The following MED12 variants were observed in gnomAD, a reference collection of about 807,000 sequenced individuals.
MED12 encodes mediator of RNA polymerase II transcription subunit 12.
Under a neutral mutation model 177.7 loss-of-function variants are expected in MED12, and 10 were observed. The observed-to-expected ratio is 0.06, with a 90% CI of 0.03 to 0.10. The LOEUF is 0.10. Ranked by LOEUF, MED12 falls within the 10% of genes least tolerant of loss-of-function variation. The pLI is 1.00. For synonymous variants in MED12, 641 were observed against 678.4 expected, an observed-to-expected ratio of 0.94 and a Z score of 0.86; for missense variants, 867 against 1,780.8, an observed-to-expected ratio of 0.49 and a Z score of 9.23.
rs752416697 is a variant in MED12 at position 71,140,779 on chromosome X, G to GCAACAGCAA, written c.6191_6192insACAGCAACA (p.Gln2074_Gln2076dup). 6 of 1,207,361 alleles carry GCAACAGCAA rather than the reference G, an allele frequency of 5.0e-6. No homozygotes were observed. The highest frequency in any genetic ancestry group is 6.7e-6 in the Non-Finnish European group (6 of 894,191). ...AGCAACAGCAGCAACAGCAACAGCA[G>GCAACAGCAA]CAGCAGCAGCAACAGCAACAGCAGC... is the stretch of plus-strand genomic sequence containing the variant. On this transcript the variant is annotated inframe_insertion, in exon 42 of 45. Transcript: ENST00000374080.
chrX:71,122,454 T>C, intron 8 of MED12, 54 bp from the exon 9 acceptor site: 2 of 1,185,161 alleles, frequency 1.7e-6, no homozygotes, highest in Non-Finnish European at 2.3e-6. Flanking sequence ...CCTGGGGCTC[T>C]GGCCTTTTAT....
At chrX:71,134,911 C>T (rs1354834951) in intron 35 of MED12, 63 bp downstream of exon 35, 33 of 1,195,114 alleles carry the variant, frequency 2.8e-5, no homozygotes, top group Non-Finnish European at 3.6e-5. Context: ...GCCTCAGGAA[C>T]TTGCTTCTGG....
At chrX:71,130,815 C>T (rs749995908) in intron 28 of MED12, among the ~76,000 whole-genome samples, 7 of 112,222 alleles carry the variant, frequency 6.2e-5, no homozygotes, top group Non-Finnish European at 9.4e-5. Flanking sequence ...AAAATAAAGC[C>T]GTTGAGGAAA....
rs369268877 is a variant in MED12, at chrX:71,129,831, C to T, written c.3843C>T (p.Tyr1281=). Residue 1281 remains tyrosine, a synonymous_variant, in exon 27 of 45, where the codon TAC becomes TAT. Transcript: ENST00000374080. ...ETASLDVYAK[Y]VLRSICQQEW... is the part of the protein sequence containing the mutation. ...CCAGTCTGGATGTCTATGCCAAGTACGTGCTGCGCAGCATCTGCCAACAGG... is the reference window on the plus strand; with the variant it reads ...CCAGTCTGGATGTCTATGCCAAGTATGTGCTGCGCAGCATCTGCCAACAGG... 32 of 1,210,353 alleles carry T rather than the reference C, an allele frequency of 2.6e-5. No individual in the cohort carries two copies. The highest frequency in any genetic ancestry group is 2.1e-4 in the African/African-American group (12 of 57,366).
intron 21 of MED12, 89 bp from the exon 22 acceptor site, chrX:71,127,804 C>CT: frequency 1.5e-6 from 1 of 680,544 alleles, no homozygotes. Flanking sequence ...TCACTTTCTC[C>CT]TTTTTTTCTT....
intron 26 of MED12, 32 bp from the exon 27 acceptor site, chrX:71,129,648 T>A (rs748838306): frequency 6.0e-6 from 7 of 1,169,403 alleles, no homozygotes; most frequent in Non-Finnish European, 6.9e-6. Context: ...AATCTCACTC[T>A]GCCCTCCCTA....
intron 17 of MED12, 77 bp downstream of exon 17, chrX:71,125,790 T>G: frequency 1.1e-6 from 1 of 901,698 alleles, no homozygotes; most frequent in Non-Finnish European, 1.6e-6. Context: ...CCTGTACATA[T>G]TCCTTTAAGG....
In MED12 at chrX:71,125,426, C is replaced by T. The variant is rs2147793049; in HGVS notation, c.2302C>T (p.Arg768Cys). 5.0e-6 allele frequency: 6 copies of T among 1,209,991 alleles called. No individual in the cohort carries two copies. The highest frequency in any genetic ancestry group is 6.7e-6 in the Non-Finnish European group (6 of 894,533). ...FGVGKQRDDA[R>C]HAIKKITKDI... ...GGTGGGAAAGCAGCGAGATGATGCC[C>T]GCCATGCCATCAAGAAAATCACCAA... The change falls in exon 16 of 45, where the codon CGC (arginine) becomes TGC (cysteine). Residue 768 changes from arginine (R) to cysteine (C), a missense_variant. Arg to Cys is a radical substitution (Grantham distance 180). Around this residue, in one of 14 missense-constraint regions of MED12, gnomAD observed 309 missense variants for 556.3 expected, o/e 0.56. Transcript: ENST00000374080.
intron 15 of MED12, 31 bp downstream of exon 15, chrX:71,125,177 GT>G: frequency 8.3e-7 from 1 of 1,206,799 alleles, no homozygotes; most frequent in Non-Finnish European, 1.1e-6. Flanking sequence ...GTGATGATCT[GT>G]TTTGAACCCA....
chrX:71,131,538 C>T lies in MED12; in HGVS notation c.4048-12C>T, dbSNP rs1556337459. The T allele has an allele frequency of 2.5e-6, 3 of 1,209,096 alleles. No individual in the cohort carries two copies. The highest frequency in any genetic ancestry group is 2.3e-4 in the Middle Eastern group (1 of 4,347). On this transcript the variant is annotated splice_polypyrimidine_tract_variant and intron_variant, in intron 28 of 44. Transcript: ENST00000374080. ...GATGATGACTAGCCTGGGTGTGGGG[C>T]CTCTATCACAGAACTTGGACCAGTG...
At position 71,141,347 on chromosome X, in the gene MED12, C is replaced by T. The variant is rs2092347419; in HGVS notation, c.6385C>T (p.Pro2129Ser). 1 of 1,166,856 alleles carries T rather than the reference C, an allele frequency of 8.6e-7. No individual in the cohort carries two copies. Among genetic ancestry groups the T allele is most frequent in the Non-Finnish European group, 1.1e-6 (1 of 872,595 alleles). Residue 2129 changes from proline to serine, a missense_variant, in exon 43 of 45, where the codon CCC becomes TCC. By Grantham distance (74) the Pro-to-Ser change is moderately conservative. This residue lies in a region of MED12 where 236 missense variants were observed against 345.2 expected (regional missense o/e 0.68). Coordinates refer to ENST00000374080, the MANE Select transcript of MED12 (RefSeq NM_005120.3). ...GCAGCAACAGGCGGCTCCTCCCCAA[C>T]CCCAGCCCCAGTCCCAGCCCCAGGT... ...QQQQQAAPPQ[P>S]QPQSQPQFQR...
chrX:71,124,146 T>A lies in MED12; in HGVS notation c.1745-13T>A, dbSNP rs371349937. ...GTTCTCCTAACTTATGTTTCCTCAT[T>A]CCCTTCCTCCAGCGGACCCTCGAAG... is the stretch of plus-strand genomic sequence containing the variant. On this transcript the variant is annotated splice_polypyrimidine_tract_variant and intron_variant, in intron 12 of 44. Transcript: ENST00000374080. 8.4e-7 allele frequency: 1 copy of A among 1,196,801 alleles called. No individual in the cohort carries two copies. The highest frequency in any genetic ancestry group is 1.8e-5 in the South Asian group (1 of 56,578).
At position 71,133,905 on chromosome X, in the gene MED12, T is replaced by C. The variant is rs5937069; in HGVS notation, c.4618-452T>C. 7.0e-3 allele frequency among the ~76,000 whole-genome samples: 772 copies of C among 110,901 alleles called. 2 individuals are homozygous for C. Among genetic ancestry groups the C allele is most frequent in the East Asian group, 0.017 (58 of 3,496 alleles). On this transcript the variant is annotated intron_variant, in intron 33 of 44. Transcript: ENST00000374080. ...CTAGAGACGTCAAGAATTCCGTCATTGTCTTGAGATCATGTAGCAAATCAT... is the reference window on the plus strand; with the variant it reads ...CTAGAGACGTCAAGAATTCCGTCATCGTCTTGAGATCATGTAGCAAATCAT...
Position 71,121,029 on chromosome X carries a change from C to T in MED12, c.612C>T (p.Tyr204=). 1 of 1,211,843 alleles carries T rather than the reference C, an allele frequency of 8.3e-7. No individual in the cohort carries two copies. The highest frequency in any genetic ancestry group is 1.1e-6 in the Non-Finnish European group (1 of 895,420). The change falls in exon 5 of 45, where the codon TAC becomes TAT. Residue 204 remains tyrosine, a synonymous_variant. Transcript: ENST00000374080. ...LWEQLQKMAE[Y]YRPGPAGSGG... is the part of the protein sequence containing the mutation. ...AGCAGTTACAGAAGATGGCTGAATACTACCGGCCAGGGCCTGCAGGAAGTG... is the reference window on the plus strand; with the variant it reads ...AGCAGTTACAGAAGATGGCTGAATATTACCGGCCAGGGCCTGCAGGAAGTG...
chrX:71,137,735 C>T lies in MED12; in HGVS notation c.5836C>T (p.Pro1946Ser), dbSNP rs1195178209. The T allele has an allele frequency of 7.4e-6, 9 of 1,211,098 alleles. No homozygotes were observed. The Admixed American group carries it at 2.0e-4, about 26-fold the overall frequency. Residue 1946 changes from proline to serine, a missense_variant, in exon 41 of 45, where the codon CCT becomes TCT. By Grantham distance (74) the Pro-to-Ser change is moderately conservative. Around this residue, in one of 14 missense-constraint regions of MED12, gnomAD observed 236 missense variants for 345.2 expected, o/e 0.68. Coordinates refer to ENST00000374080, the MANE Select transcript of MED12 (RefSeq NM_005120.3). ...TCCTTCTTCCCTCCAGGGCTATACT[C>T]CTTATGTTTCTCATGTGGGATTGCA... is the stretch of plus-strand genomic sequence containing the variant. The part of the protein sequence containing the change: ...YGLQTSQGYT[P>S]YVSHVGLQQH...
rs2092313288 is a variant in MED12, at chrX:71,130,175, G to A, written c.4008G>A (p.Gly1336=). ...ATCGACTGCTGGACAATGAGGATGG[G>A]GAAAACCCCCAGCGGCAGCGCATAA... The part of the protein sequence containing the change: ...YPHRLLDNED[G]ENPQRQRIKR... The change falls in exon 28 of 45, where the codon GGG becomes GGA. Residue 1336 remains glycine (G), a synonymous_variant. Transcript: ENST00000374080. The A allele has an allele frequency of 8.3e-7, 1 of 1,209,705 alleles. No individual in the cohort carries two copies. Among genetic ancestry groups the A allele is most frequent in the African/African-American group, 1.7e-5 (1 of 57,984 alleles).
intron 13 of MED12, 95 bp downstream of exon 13, chrX:71,124,483 G>A (rs1329325768): frequency 5.8e-5 from 39 of 667,988 alleles, no homozygotes; most frequent in Non-Finnish European, 8.5e-5. Flanking sequence ...GCCTGGGGGA[G>A]GGGGGTAGTA....
chrX:71,140,592 C>A (rs1569482642), intron 41 of MED12, 43 bp from the exon 42 acceptor site: 1 of 1,208,899 alleles, frequency 8.3e-7, no homozygotes, highest in Admixed American at 2.2e-5. Flanking sequence ...CCCCTCTCCT[C>A]ACCTCCCTCA....
In MED12 at chrX:71,127,885, C is replaced by T. The variant is rs370978564; in HGVS notation, c.2982-8C>T. ...AACACTACTATCTCCTTTCCTCCAT[C>T]CCTGCAGCGACTTTTGCTCAAAGGT... On this transcript the variant is annotated splice_polypyrimidine_tract_variant and splice_region_variant and intron_variant, in intron 21 of 44. Coordinates refer to ENST00000374080, the MANE Select transcript of MED12 (RefSeq NM_005120.3). 1 of 1,195,782 alleles carries T rather than the reference C, an allele frequency of 8.4e-7. No homozygotes were observed. Among genetic ancestry groups the T allele is most frequent in the Non-Finnish European group, 1.1e-6 (1 of 882,841 alleles).
Sources: allele counts gnomAD v4.1 joint callset (sites outside exome capture counted in the v4.1 genomes callset), GRCh38; gene constraint gnomAD v4.1.1; regional missense constraint gnomAD v4.1.1; transcripts MANE v1.5; gene names NCBI Gene and HGNC (gene_info 2026-07-23, HGNC 2026-07-21).